Variants in EYS observed in about 807,000 individuals in gnomAD.
EYS encodes the protein protein eyes shut homolog.
EYS carries 250 observed loss-of-function variants against 282.1 expected under a neutral mutation model. The observed-to-expected ratio is 0.89, with a 90% CI of 0.80 to 0.98. EYS has a LOEUF of 0.98. Ranked by LOEUF, EYS falls within the 50% of genes least tolerant of loss-of-function variation. EYS has a pLI of 0.00. For synonymous variants in EYS, 1,355 were observed against 1,282.9 expected (o/e 1.06, Z -1.20); for missense variants, 4,016 against 3,709.0 (o/e 1.08, Z -2.15).
intron 41 of EYS, among the ~76,000 whole-genome samples, chr6:63,732,590 T>G (rs1028256786): frequency 1.3e-5 from 2 of 152,220 alleles, no homozygotes; most frequent in African/African-American, 4.8e-5. Flanking sequence ...GCCCAATTAT[T>G]TCTTGTATGT....
chr6:64,343,419 A>G (rs1225010190), intron 29 of EYS, among the ~76,000 whole-genome samples: 1 of 152,128 alleles, frequency 6.6e-6, no homozygotes, highest in African/African-American at 2.4e-5. Context: ...AAAACTGCTC[A>G]ACTACATGGA....
At chr6:64,151,279 G>T (rs1774695309) in intron 31 of EYS, among the ~76,000 whole-genome samples, 2 of 130,820 alleles carry the variant, frequency 1.5e-5, no homozygotes, top group African/African-American at 3.0e-5. Flanking sequence ...AAATTACAGT[G>T]GAAATATATA....
At chr6:64,733,454 A>C (rs35321781) in intron 22 of EYS, 2,132 of 189,554 alleles carry the variant, frequency 0.011, 26 homozygotes, top group Non-Finnish European at 0.019. Flanking sequence ...TGGCCACCAC[A>C]ATGATGCTGC....
intron 41 of EYS, among the ~76,000 whole-genome samples, chr6:63,729,123 C>A (rs966523889): frequency 6.6e-6 from 1 of 152,032 alleles, no homozygotes; most frequent in Admixed American, 6.6e-5. Flanking sequence ...TGAATATCTT[C>A]TGTAGTGAGG....
At chr6:65,036,262 T>A (rs1772768177) in intron 13 of EYS, among the ~76,000 whole-genome samples, 1 of 151,782 alleles carries the variant, frequency 6.6e-6, no homozygotes, top group African/African-American at 2.4e-5. Context: ...GGTGCTGAGA[T>A]AACTAGCTAG....
chr6:64,749,537 T>G (rs1772673269), intron 22 of EYS, among the ~76,000 whole-genome samples: 1 of 152,194 alleles, frequency 6.6e-6, no homozygotes, highest in African/African-American at 2.4e-5. Context: ...ACTTGGGTTC[T>G]TAGTATTCAT....
At chr6:64,912,068 A>G (rs1005969771) in intron 16 of EYS, among the ~76,000 whole-genome samples, 4 of 152,146 alleles carry the variant, frequency 2.6e-5, no homozygotes, top group Non-Finnish European at 4.4e-5. Flanking sequence ...AGAAAGAAGT[A>G]ATATTTTGAT....
chr6:64,326,751 C>T (rs1170199264), intron 29 of EYS, among the ~76,000 whole-genome samples: 6 of 152,058 alleles, frequency 3.9e-5, no homozygotes. Flanking sequence ...GAATGGCCCT[C>T]CTGCATTCTG....
intron 11 of EYS, chr6:65,301,073 G>C (rs1029070753): frequency 1.3e-5 from 2 of 152,206 alleles, no homozygotes; most frequent in Non-Finnish European, 2.9e-5. Context: ...CCTGTCTTTC[G>C]AGTATTCGGC....
chr6:65,162,911 T>TTGTGTGTGTGTGTGTGTG lies in EYS; in HGVS notation c.2024-105202_2024-105185dup, dbSNP rs3036015. On this transcript the variant is annotated intron_variant, in intron 12 of 42. Transcript: ENST00000503581. ...ACTGCAACAAGGCCTCCTGTTCTGT[T>TTGTGTGTGTGTGTGTGTG]TGTGTGTGTGTGTGTGTGTGTGTGT... Among the ~76,000 whole-genome samples the TTGTGTGTGTGTGTGTGTG allele has an allele frequency of 1.7e-3, 244 of 147,384 alleles. 1 individual carries two copies. The highest frequency in any genetic ancestry group is 4.7e-3 in the South Asian group (22 of 4,666).
chr6:65,230,512 C>T (rs2150267221), intron 12 of EYS, among the ~76,000 whole-genome samples: 1 of 151,936 alleles, frequency 6.6e-6, no homozygotes, highest in Admixed American at 6.6e-5. Flanking sequence ...ATATGAGTTG[C>T]TAATCCTCGT....
chr6:64,251,869 G>A (rs1171286547), intron 30 of EYS, among the ~76,000 whole-genome samples: 2 of 152,062 alleles, frequency 1.3e-5, no homozygotes, highest in Admixed American at 1.3e-4. Flanking sequence ...AATTAAGTCT[G>A]TATCAAGAAT....
At chr6:63,834,655 G>A (rs1771751912) in intron 36 of EYS, among the ~76,000 whole-genome samples, 1 of 150,290 alleles carries the variant, frequency 6.7e-6, no homozygotes, top group Admixed American at 6.6e-5. Context: ...GATTCCTCAA[G>A]GATCTAAAGC....
At chr6:64,348,464 T>C (rs1771497421) in intron 29 of EYS, among the ~76,000 whole-genome samples, 1 of 64,872 alleles carries the variant, frequency 1.5e-5, no homozygotes, top group Non-Finnish European at 3.3e-5. Flanking sequence ...AACTTTCAGA[T>C]ATGTGTTGAG....
intron 29 of EYS, among the ~76,000 whole-genome samples, chr6:64,330,719 C>T (rs1011478830): frequency 5.3e-5 from 8 of 152,238 alleles, no homozygotes; most frequent in South Asian, 4.1e-4. Context: ...TAATAATTTG[C>T]GTGCCCCACA....
At position 65,316,276 on chromosome 6, in the gene EYS, A is replaced by G. The variant is rs1181740898; in HGVS notation, c.1766+18704T>C. Reference sequence around the variant, plus strand: ...CCAATGTATCCATCTTTTCTTATGAACAGTCATTTTTGGTCCCAATTTATC... The same window carrying G: ...CCAATGTATCCATCTTTTCTTATGAGCAGTCATTTTTGGTCCCAATTTATC... On this transcript the variant is annotated intron_variant, in intron 11 of 42. Transcript: ENST00000503581. Among the ~76,000 whole-genome samples the G allele has an allele frequency of 2.0e-5, 3 of 152,126 alleles. No homozygotes were observed. In the East Asian group the frequency reaches 5.8e-4, roughly 29 times the overall value.
chr6:64,170,983 T>C (rs79186188), intron 31 of EYS, among the ~76,000 whole-genome samples: 1,895 of 152,266 alleles, frequency 0.012, 44 homozygotes, highest in African/African-American at 0.044. Context: ...GCTCGGATTG[T>C]GATTTGACCC....
intron 26 of EYS, among the ~76,000 whole-genome samples, chr6:64,453,804 C>T (rs933142937): frequency 1.3e-5 from 2 of 151,952 alleles, no homozygotes; most frequent in South Asian, 2.1e-4. Context: ...GGGAATTGAA[C>T]AATGAGAACA....
intron 2 of EYS, among the ~76,000 whole-genome samples, chr6:65,621,064 T>A (rs190588342): frequency 1.3e-3 from 192 of 152,320 alleles, no homozygotes; most frequent in Non-Finnish European, 2.2e-3. Flanking sequence ...AGATATCTAT[T>A]AGGTCTGCTT....
Sources: gnomAD v4.1 joint callset for allele counts (sites outside exome capture counted in the v4.1 genomes callset) on GRCh38, gnomAD v4.1.1 for gene constraint, MANE v1.5 for transcripts, NCBI Gene and HGNC (gene_info 2026-07-23, HGNC 2026-07-21) for gene names.